Variants in TLN2 observed in about 807,000 individuals in gnomAD.
TLN2 encodes talin 2.
TLN2 carries 118 observed loss-of-function variants against 294.7 expected under a neutral mutation model. The observed-to-expected ratio is 0.40, with a 90% CI of 0.34 to 0.47. The LOEUF (loss-of-function observed/expected upper bound fraction) is 0.47, where lower values mean the gene tolerates loss of function less well. TLN2 is among the 20% of genes least tolerant of loss of function. The probability of loss-of-function intolerance (pLI) is 0.84; values close to 1 mark genes in which losing one functional copy is unlikely to be tolerated. For missense variants in TLN2, 3,083 were observed against 3,282.2 expected, an observed-to-expected ratio of 0.94 and a Z score of 1.48; for synonymous variants, 1,431 against 1,304.5, an observed-to-expected ratio of 1.10 and a Z score of -2.09.
intron 1 of TLN2, among the ~76,000 whole-genome samples, chr15:62,489,315 G>C (rs559649039): frequency 1.3e-5 from 2 of 152,198 alleles, no homozygotes; most frequent in South Asian, 2.1e-4. Context: ...AACCAAACAG[G>C]TTACACAACA....
rs772626421 is a variant in TLN2 at position 62,776,906 on chromosome 15, G to A, written c.5510G>A (p.Ser1837Asn). 2 of 1,569,642 alleles carry A rather than the reference G, an allele frequency of 1.3e-6. No homozygotes were observed. The highest frequency in any genetic ancestry group is 1.7e-6 in the Non-Finnish European group (2 of 1,156,540). ...GTGGACGCCATTGCAGAAGCCATGA[G>A]CAAGGTGGGCATGGGCTCTAGGGCT... ...GMVDAIAEAM[S>N]KLDEGTPPEP... Residue 1837 changes from serine to asparagine, a missense_variant, in exon 43 of 59, where the codon AGC becomes AAC. Physicochemically the swap from Ser to Asn is conservative, Grantham distance 46. Transcript: ENST00000636159.
intron 54 of TLN2, among the ~76,000 whole-genome samples, chr15:62,821,950 G>A (rs2067603207): frequency 6.6e-6 from 1 of 152,204 alleles, no homozygotes; most frequent in Admixed American, 6.5e-5. Flanking sequence ...TTCCTTGTCT[G>A]ATTTATCACG....
At chr15:62,570,851 T>C (rs930855355) in intron 1 of TLN2, among the ~76,000 whole-genome samples, 8 of 151,648 alleles carry the variant, frequency 5.3e-5, no homozygotes, top group African/African-American at 1.9e-4. Context: ...TTCTCCAAGG[T>C]GGTAAGCGTA....
chr15:62,428,946 C>T (rs569075671), intron 1 of TLN2, among the ~76,000 whole-genome samples: 2 of 152,218 alleles, frequency 1.3e-5, no homozygotes, highest in African/African-American at 2.4e-5. Flanking sequence ...CAGAATCTCA[C>T]CCAGACTCAC....
At chr15:62,747,931 C>T (rs1022372793) in intron 32 of TLN2, among the ~76,000 whole-genome samples, 5 of 152,066 alleles carry the variant, frequency 3.3e-5, no homozygotes, top group African/African-American at 4.8e-5. Context: ...TCCTCATATT[C>T]GTCACATTGA....
intron 1 of TLN2, among the ~76,000 whole-genome samples, chr15:62,532,071 A>G (rs1401606141): frequency 1.5e-5 from 2 of 134,824 alleles, no homozygotes; most frequent in Non-Finnish European, 3.1e-5. Flanking sequence ...TTTTTGTGAG[A>G]CAGGTACTCA....
chr15:62,688,759 C>T (rs2057511956), intron 12 of TLN2, among the ~76,000 whole-genome samples: 1 of 151,864 alleles, frequency 6.6e-6, no homozygotes, highest in Non-Finnish European at 1.5e-5. Flanking sequence ...ATGTTATTTT[C>T]TGTTAGTAAT....
intron 11 of TLN2, among the ~76,000 whole-genome samples, chr15:62,676,762 A>G (rs1427847630): frequency 2.0e-5 from 3 of 152,124 alleles, no homozygotes; most frequent in Non-Finnish European, 4.4e-5. Context: ...CTACAGGCGC[A>G]TGCTGCCACA....
At chr15:62,696,381 A>G (rs887122759) in intron 14 of TLN2, among the ~76,000 whole-genome samples, 17 of 152,328 alleles carry the variant, frequency 1.1e-4, no homozygotes, top group Non-Finnish European at 1.9e-4. Flanking sequence ...CTTTGCACTT[A>G]TTCTTCATTC....
intron 6 of TLN2, 128 bp from the exon 7 acceptor site, chr15:62,653,034 C>T: frequency 1.5e-6 from 1 of 680,678 alleles, no homozygotes; most frequent in Non-Finnish European, 2.3e-6. Flanking sequence ...CTCCCTGACC[C>T]TCATATTTGT....
At chr15:62,466,389 T>C (rs938985991) in intron 1 of TLN2, among the ~76,000 whole-genome samples, 53 of 152,192 alleles carry the variant, frequency 3.5e-4, no homozygotes, top group African/African-American at 1.3e-3. Flanking sequence ...GATGATTCTT[T>C]GTTGTGCGGG....
chr15:62,405,218 A>G (rs2033317787), intron 1 of TLN2, among the ~76,000 whole-genome samples: 1 of 152,130 alleles, frequency 6.6e-6, no homozygotes, highest in African/African-American at 2.4e-5. Flanking sequence ...CAGAATCTCT[A>G]GGGAAGCTTA....
intron 45 of TLN2, among the ~76,000 whole-genome samples, chr15:62,789,449 T>C (rs538763026): frequency 6.6e-6 from 1 of 152,280 alleles, no homozygotes; most frequent in South Asian, 2.1e-4. Flanking sequence ...TCCCTTGCTA[T>C]ATGCATCGTG....
chr15:62,621,960 AT>A (rs935189038), intron 3 of TLN2, among the ~76,000 whole-genome samples: 6 of 152,224 alleles, frequency 3.9e-5, no homozygotes, highest in South Asian at 4.2e-4. Flanking sequence ...GCTAGTGTAG[AT>A]GTCAGTTGTG....
intron 1 of TLN2, among the ~76,000 whole-genome samples, chr15:62,410,009 C>T (rs552393206): frequency 5.3e-5 from 8 of 152,196 alleles, no homozygotes; most frequent in East Asian, 3.9e-4. Context: ...TTTGGGAGGC[C>T]GAGGCGGGTG....
rs762360175 is a variant in TLN2 at position 62,753,814 on chromosome 15, A to G, written c.4374A>G (p.Ala1458=). ...LVGISDPNSQ[A]GHQGLVDPIQ... is the part of the protein sequence containing the mutation. ...GCATCTCTGATCCAAACAGCCAGGC[A>G]GGCCACCAGGGCCTGGTGGACCCCA... Residue 1458 remains alanine, a synonymous_variant, in exon 36 of 59, where the codon GCA becomes GCG. Coordinates refer to ENST00000636159, the MANE Select transcript of TLN2 (RefSeq NM_015059.3). The G allele has an allele frequency of 6.2e-7, 1 of 1,612,080 alleles. No homozygotes were observed. The highest frequency in any genetic ancestry group is 1.1e-5 in the South Asian group (1 of 90,546).
intron 1 of TLN2, among the ~76,000 whole-genome samples, chr15:62,459,018 T>C (rs1275483969): frequency 6.6e-6 from 1 of 152,028 alleles, no homozygotes; most frequent in East Asian, 1.9e-4. Context: ...TTTCTTTTTT[T>C]GGAGACAGAG....
chr15:62,810,073 C>T (rs1201315215), intron 52 of TLN2, 41 bp downstream of exon 52: 3 of 1,516,020 alleles, frequency 2.0e-6, no homozygotes, highest in Non-Finnish European at 9.2e-7. Flanking sequence ...GTAGCTGTGT[C>T]CCTCTAGCTG....
intron 55 of TLN2, 157 bp downstream of exon 55, chr15:62,833,786 C>G (rs2069141020): frequency 9.2e-7 from 1 of 1,081,652 alleles, no homozygotes; most frequent in African/African-American, 1.6e-5. Flanking sequence ...CTGAAAACTA[C>G]AGCCTTCAGA....
Sources: allele counts gnomAD v4.1 joint callset (sites outside exome capture counted in the v4.1 genomes callset), GRCh38; gene constraint gnomAD v4.1.1; transcripts MANE v1.5; gene names NCBI Gene and HGNC (gene_info 2026-07-23, HGNC 2026-07-21).